Variants in KIF6 observed in about 807,000 individuals in gnomAD.
KIF6 encodes the protein kinesin-like protein KIF6.
In KIF6, 106 loss-of-function variants were observed where a neutral mutation model predicts 112.7. The observed-to-expected ratio is 0.94, with a 90% CI of 0.80 to 1.11. The LOEUF (loss-of-function observed/expected upper bound fraction) is 1.11, where lower values mean the gene tolerates loss of function less well. Among genes scored for constraint, KIF6 ranks in the 50% least tolerant of loss-of-function variants. The probability of loss-of-function intolerance (pLI) is 0.00; values close to 1 mark genes in which losing one functional copy is unlikely to be tolerated. For synonymous variants in KIF6, 339 were observed against 339.9 expected (o/e 1.00, Z 0.03); for missense variants, 929 against 964.0 (o/e 0.96, Z 0.48).
intron 13 of KIF6, among the ~76,000 whole-genome samples, chr6:39,445,652 G>C (rs952177465): frequency 5.3e-5 from 8 of 152,212 alleles, no homozygotes; most frequent in Non-Finnish European, 7.3e-5. Context: ...ATAGATGACT[G>C]GGAGAGAGCA....
At chr6:39,697,838 G>T (rs902952602) in intron 3 of KIF6, among the ~76,000 whole-genome samples, 2 of 152,074 alleles carry the variant, frequency 1.3e-5, no homozygotes, top group Non-Finnish European at 2.9e-5. Context: ...ATGAGCCACC[G>T]TGCCCGGCCT....
At chr6:39,487,600 T>C (rs1273799485) in intron 13 of KIF6, among the ~76,000 whole-genome samples, 1 of 152,170 alleles carries the variant, frequency 6.6e-6, no homozygotes, top group East Asian at 1.9e-4. Flanking sequence ...ATTATTTTTG[T>C]TCCAGACGAG....
chr6:39,647,622 A>T (rs1785232529), intron 3 of KIF6, among the ~76,000 whole-genome samples: 1 of 152,104 alleles, frequency 6.6e-6, no homozygotes. Flanking sequence ...GCCCTTCAGC[A>T]CAAGGAAGCA....
Position 39,376,289 on chromosome 6 carries a change from C to T in KIF6, c.1861+9333G>A, listed in dbSNP as rs537933196. 5.3e-5 allele frequency among the ~76,000 whole-genome samples: 8 copies of T among 152,258 alleles called. No individual in the cohort carries two copies. In the South Asian group the frequency reaches 1.7e-3, roughly 32 times the overall value. On this transcript the variant is annotated intron_variant, in intron 16 of 22. Coordinates refer to ENST00000287152, the MANE Select transcript of KIF6 (RefSeq NM_145027.6). ...CATCTGTAATCCATCCAAGCTCTCC[C>T]ATGTCTCCGCACCAAGGTTGCGAGT...
intron 2 of KIF6, among the ~76,000 whole-genome samples, chr6:39,715,199 T>C (rs1789762903): frequency 6.6e-6 from 1 of 152,234 alleles, no homozygotes; most frequent in Non-Finnish European, 1.5e-5. Flanking sequence ...TGTATGATTA[T>C]TGAACTTAGT....
At chr6:39,713,376 G>A (rs1294183303) in intron 3 of KIF6, among the ~76,000 whole-genome samples, 1 of 152,170 alleles carries the variant, frequency 6.6e-6, no homozygotes, top group Non-Finnish European at 1.5e-5. Context: ...ATTTCAGTGA[G>A]GCAGTGGAGG....
chr6:39,532,104 G>C (rs1778103541), intron 13 of KIF6, among the ~76,000 whole-genome samples: 1 of 152,040 alleles, frequency 6.6e-6, no homozygotes, highest in Non-Finnish European at 1.5e-5. Context: ...TGGCTTCCTG[G>C]TATGTGCTTT....
At chr6:39,552,009 C>T (rs1230879869) in intron 10 of KIF6, among the ~76,000 whole-genome samples, 1 of 152,184 alleles carries the variant, frequency 6.6e-6, no homozygotes, top group Non-Finnish European at 1.5e-5. Context: ...CGGCTCCATC[C>T]CAGACCTCCT....
At chr6:39,348,385 C>T (rs1024339777) in intron 19 of KIF6, among the ~76,000 whole-genome samples, 4 of 152,038 alleles carry the variant, frequency 2.6e-5, no homozygotes, top group Admixed American at 6.6e-5. Flanking sequence ...GTACTCTTTG[C>T]GGAGGCCCAG....
rs140179431 is a variant in KIF6 at position 39,653,458 on chromosome 6, G to A, written c.252-13701C>T. Among the ~76,000 whole-genome samples, 326 of 152,258 alleles carry A rather than the reference G, an allele frequency of 2.1e-3. 2 individuals carry two copies. Among genetic ancestry groups the A allele is most frequent in the African/African-American group, 7.2e-3 (299 of 41,550 alleles). ...TTCCTCCTAAAGGCAGATATGAAAG[G>A]AGAAAGTACCAGAGACTTGGGGCAC... On this transcript the variant is annotated intron_variant, in intron 3 of 22. Coordinates refer to ENST00000287152, the MANE Select transcript of KIF6 (RefSeq NM_145027.6).
chr6:39,669,987 C>G (rs1415817747), intron 3 of KIF6, among the ~76,000 whole-genome samples: 1 of 152,206 alleles, frequency 6.6e-6, no homozygotes, highest in Non-Finnish European at 1.5e-5. Flanking sequence ...TCCTCAAAGT[C>G]ACTGGGAAAG....
At chr6:39,646,875 C>T (rs1785196280) in intron 3 of KIF6, among the ~76,000 whole-genome samples, 1 of 152,156 alleles carries the variant, frequency 6.6e-6, no homozygotes. Flanking sequence ...GTAAGTGAAA[C>T]TCAGTTATTT....
At chr6:39,592,810 A>G (rs894624648) in intron 7 of KIF6, among the ~76,000 whole-genome samples, 4 of 152,270 alleles carry the variant, frequency 2.6e-5, no homozygotes, top group African/African-American at 9.6e-5. Flanking sequence ...TGTGAACACA[A>G]TAAAGTCCAT....
chr6:39,588,040 C>A (rs896284013), intron 7 of KIF6, among the ~76,000 whole-genome samples: 28 of 152,204 alleles, frequency 1.8e-4, no homozygotes, highest in Non-Finnish European at 3.8e-4. Flanking sequence ...GGACACTACA[C>A]TTTCCTGGTT....
At chr6:39,386,263 T>C (rs559951002) in intron 15 of KIF6, among the ~76,000 whole-genome samples, 4 of 152,302 alleles carry the variant, frequency 2.6e-5, no homozygotes, top group Admixed American at 2.6e-4. Context: ...CATCAGCTGG[T>C]ATTTGTTCTG....
intron 3 of KIF6, among the ~76,000 whole-genome samples, chr6:39,649,949 G>C (rs113748965): frequency 0.069 from 10,544 of 152,138 alleles, 416 homozygotes; most frequent in Middle Eastern, 0.11. Flanking sequence ...AGTCACTTTG[G>C]CACAATCAGG....
chr6:39,647,367 A>G (rs1425003702), intron 3 of KIF6, among the ~76,000 whole-genome samples: 1 of 152,012 alleles, frequency 6.6e-6, no homozygotes, highest in South Asian at 2.1e-4. Context: ...GTCTCCTTCT[A>G]CAAGCTCAAG....
In KIF6 at chr6:39,378,752, T is replaced by G. The variant is rs779998623; in HGVS notation, c.1861+6870A>C. On this transcript the variant is annotated intron_variant, in intron 16 of 22. Coordinates refer to ENST00000287152, the MANE Select transcript of KIF6 (RefSeq NM_145027.6). The surrounding 1 kb of genome is among the most constrained non-coding windows in gnomAD (Gnocchi z 5.0). ...ACAGGCACCTGTTAAGGGTTTTGAT[T>G]GTGAACTGAACAAGATCCAGCCCTG... is the stretch of plus-strand genomic sequence containing the variant. 2.7e-4 allele frequency among the ~76,000 whole-genome samples: 41 copies of G among 152,316 alleles called. No individual in the cohort carries two copies. The highest frequency in any genetic ancestry group is 5.1e-4 in the Non-Finnish European group (35 of 68,032).
intron 16 of KIF6, among the ~76,000 whole-genome samples, chr6:39,369,478 T>A (rs1156934118): frequency 6.6e-6 from 1 of 152,194 alleles, no homozygotes; most frequent in Non-Finnish European, 1.5e-5. Flanking sequence ...ATCAGAAACG[T>A]GCCAGATGCC....
Sources: gnomAD v4.1 joint callset for allele counts (sites outside exome capture counted in the v4.1 genomes callset) on GRCh38, gnomAD v4.1.1 for gene constraint, Gnocchi (gnomAD v3.1) non-coding constraint, MANE v1.5 for transcripts, NCBI Gene and HGNC (gene_info 2026-07-23, HGNC 2026-07-21) for gene names.